NRCAM: variants seen among roughly 807,000 people sequenced by gnomAD.
The protein encoded by NRCAM is neuronal cell adhesion molecule.
Under a neutral mutation model 156.5 loss-of-function variants are expected in NRCAM, and 83 were observed. That is an observed-to-expected ratio of 0.53 (90% CI 0.44 to 0.64). The LOEUF is 0.64. NRCAM is among the 30% of genes least tolerant of loss of function. NRCAM has a pLI of 0.00. For synonymous variants in NRCAM, 538 were observed against 563.9 expected (o/e 0.95, Z 0.65); for missense variants, 1,417 against 1,597.3 (o/e 0.89, Z 1.92).
At chr7:108,251,428 T>C (rs1431205735) in intron 3 of NRCAM, among the ~76,000 whole-genome samples, 1 of 152,220 alleles carries the variant, frequency 6.6e-6, no homozygotes. Flanking sequence ...CTATCAGGGC[T>C]TATGCTTTGA....
chr7:108,393,668 T>G (rs964522196), intron 2 of NRCAM, among the ~76,000 whole-genome samples: 1 of 152,136 alleles, frequency 6.6e-6, no homozygotes, highest in Non-Finnish European at 1.5e-5. Flanking sequence ...CCGTCTTCTG[T>G]GTCGCTCAAG....
intron 13 of NRCAM, among the ~76,000 whole-genome samples, chr7:108,202,798 T>C (rs1230252767): frequency 3.3e-5 from 5 of 152,206 alleles, no homozygotes; most frequent in Non-Finnish European, 7.3e-5. Context: ...CTTCTGCCCA[T>C]TCTCATTCTC....
chr7:108,170,946 A>G (rs1443611908), intron 28 of NRCAM, among the ~76,000 whole-genome samples: 1 of 152,220 alleles, frequency 6.6e-6, no homozygotes, highest in Non-Finnish European at 1.5e-5. Context: ...ACAGCATTAT[A>G]TTACTAATTA....
chr7:108,350,675 T>C (rs1379313473), intron 2 of NRCAM, among the ~76,000 whole-genome samples: 1 of 148,732 alleles, frequency 6.7e-6, no homozygotes, highest in Admixed American at 6.9e-5. Context: ...CAAAAAAAAT[T>C]ACTTGCACTC....
intron 5 of NRCAM, among the ~76,000 whole-genome samples, chr7:108,236,960 A>T (rs2095085357): frequency 6.6e-6 from 1 of 152,156 alleles, no homozygotes; most frequent in East Asian, 1.9e-4. Context: ...GCTGGCTCAG[A>T]TGTCACTCCT....
chr7:108,454,399 T>C (rs115991110), intron 1 of NRCAM, among the ~76,000 whole-genome samples: 1,594 of 152,326 alleles, frequency 0.01, 32 homozygotes, highest in African/African-American at 0.036. Flanking sequence ...CCCTACTTCC[T>C]AGCTGTGTGG....
chr7:108,417,521 A>G (rs1351039938), intron 1 of NRCAM, among the ~76,000 whole-genome samples: 1 of 152,214 alleles, frequency 6.6e-6, no homozygotes, highest in East Asian at 1.9e-4. Context: ...AAAGGCAATT[A>G]AATTTCAACG....
intron 1 of NRCAM, among the ~76,000 whole-genome samples, chr7:108,409,019 G>A (rs911593563): frequency 2.6e-5 from 4 of 152,132 alleles, no homozygotes; most frequent in African/African-American, 4.8e-5. Context: ...CATATTCAGG[G>A]AGCTGTTTGT....
At chr7:108,225,117 T>C (rs746091509) in intron 10 of NRCAM, among the ~76,000 whole-genome samples, 2 of 152,200 alleles carry the variant, frequency 1.3e-5, no homozygotes, top group Non-Finnish European at 2.9e-5. Flanking sequence ...ATTACTTCCA[T>C]TGAAGACAGT....
Position 108,440,048 on chromosome 7 carries a change from A to G in NRCAM, c.-332+16195T>C, listed in dbSNP as rs76294463. ...AAGACAAATGAAAACATAGGGACACATAAGGACTTGTACGCTAATATTCAT... is the reference window on the plus strand; with the variant it reads ...AAGACAAATGAAAACATAGGGACACGTAAGGACTTGTACGCTAATATTCAT... On this transcript the variant is annotated intron_variant, in intron 1 of 32. Coordinates refer to ENST00000379028, the MANE Select transcript of NRCAM (RefSeq NM_001037132.4). 9.9e-3 allele frequency among the ~76,000 whole-genome samples: 1,503 copies of G among 152,296 alleles called. 20 individuals carry two copies. Among genetic ancestry groups the G allele is most frequent in the African/African-American group, 0.034 (1,410 of 41,558 alleles).
intron 1 of NRCAM, among the ~76,000 whole-genome samples, chr7:108,447,259 CTTTT>C (rs34273772): frequency 3.6e-5 from 3 of 84,254 alleles, no homozygotes; most frequent in Non-Finnish European, 6.7e-5. Context: ...TCACTTCTTT[CTTTT>C]TTTTTTTTTT....
rs74960533 is a variant in NRCAM, at chr7:108,348,258, G to A, written c.-173-35527C>T. On this transcript the variant is annotated intron_variant, in intron 2 of 32. Coordinates refer to ENST00000379028, the MANE Select transcript of NRCAM (RefSeq NM_001037132.4). Reference sequence around the variant, plus strand: ...TGTGTGTGAGTGAGTGAATATATGTGTGGGAGACACAGTGATAAATTTCAG... The same window carrying A: ...TGTGTGTGAGTGAGTGAATATATGTATGGGAGACACAGTGATAAATTTCAG... Among the ~76,000 whole-genome samples, 244 of 152,316 alleles carry A rather than the reference G, an allele frequency of 1.6e-3. 3 individuals are homozygous for A. Among genetic ancestry groups the A allele is most frequent in the African/African-American group, 5.7e-3 (235 of 41,562 alleles).
intron 2 of NRCAM, among the ~76,000 whole-genome samples, chr7:108,324,796 T>G (rs2099046693): frequency 1.3e-5 from 2 of 152,122 alleles, no homozygotes; most frequent in South Asian, 4.1e-4. Flanking sequence ...TCAACCTGCT[T>G]TCATATGCTG....
At chr7:108,184,706 C>T (rs2065636910) in intron 20 of NRCAM, 92 bp from the exon 21 acceptor site, 2 of 955,508 alleles carry the variant, frequency 2.1e-6, no homozygotes, top group African/African-American at 1.6e-5. Flanking sequence ...CAACCCAACA[C>T]AAGCAACCAA....
At chr7:108,215,161 T>C (rs1338333906) in intron 11 of NRCAM, among the ~76,000 whole-genome samples, 3 of 152,082 alleles carry the variant, frequency 2.0e-5, no homozygotes, top group African/African-American at 7.2e-5. Context: ...GTTAATTTTC[T>C]GTCTCACTGA....
At chr7:108,364,564 T>C (rs560500314) in intron 2 of NRCAM, among the ~76,000 whole-genome samples, 3 of 152,314 alleles carry the variant, frequency 2.0e-5, no homozygotes, top group African/African-American at 4.8e-5. Flanking sequence ...TTCATGTTCA[T>C]AGTAGTATTA....
At chr7:108,308,204 G>A (rs930552002) in intron 3 of NRCAM, among the ~76,000 whole-genome samples, 3 of 152,242 alleles carry the variant, frequency 2.0e-5, no homozygotes, top group African/African-American at 2.4e-5. Context: ...GGGAACAAGA[G>A]CCACAGGGCA....
At chr7:108,426,652 T>C (rs770437367) in intron 1 of NRCAM, among the ~76,000 whole-genome samples, 1 of 152,200 alleles carries the variant, frequency 6.6e-6, no homozygotes, top group Non-Finnish European at 1.5e-5. Context: ...CACCTGTCAT[T>C]TGGCCTGAAC....
intron 30 of NRCAM, 85 bp downstream of exon 30, chr7:108,166,836 C>T (rs1000585671): frequency 4.5e-6 from 6 of 1,322,236 alleles, no homozygotes; most frequent in East Asian, 4.9e-5. Flanking sequence ...CATAACACAG[C>T]TCCACCAGCC....
Sources: gnomAD v4.1 joint callset for allele counts (sites outside exome capture counted in the v4.1 genomes callset) on GRCh38, gnomAD v4.1.1 for gene constraint, MANE v1.5 for transcripts, NCBI Gene and HGNC (gene_info 2026-07-23, HGNC 2026-07-21) for gene names.